AXL: variants seen among roughly 807,000 people sequenced by gnomAD.
AXL encodes AXL receptor tyrosine kinase.
Under a neutral mutation model 104.5 loss-of-function variants are expected in AXL, and 52 were observed. That is an observed-to-expected ratio of 0.50 (90% CI 0.40 to 0.63). The LOEUF is 0.63. AXL is among the 20% of genes least tolerant of loss of function. The pLI, the probability that AXL is intolerant of heterozygous loss-of-function variation, is 0.00. For missense variants in AXL, 1,024 were observed against 1,188.5 expected, an observed-to-expected ratio of 0.86 and a Z score of 2.04; for synonymous variants, 455 against 473.7, an observed-to-expected ratio of 0.96 and a Z score of 0.51.
chr19:41,237,875 C>T lies in AXL; in HGVS notation c.784-69C>T. 1.1e-5 allele frequency: 16 copies of T among 1,450,956 alleles called. No individual in the cohort carries two copies. The South Asian group carries it at 1.8e-4, about 17-fold the overall frequency. The allele number at this position is 1,450,956 out of a possible 1,614,324, so 89.9% of individuals were successfully genotyped here. A position where few individuals can be genotyped will look rare whatever the true frequency, so the allele number is the denominator to read the frequency against. ...GTGTAGTCACACCAGACCACCACCA[C>T]TGGGAGCTGTGTGACCATCTCGTGT... On this transcript the variant is annotated intron_variant, in intron 6 of 19. Transcript: ENST00000301178.
At chr19:41,221,033 T>G in intron 2 of AXL, 113 bp from the exon 3 acceptor site, 1 of 1,186,386 alleles carries the variant, frequency 8.4e-7, no homozygotes, top group Non-Finnish European at 1.2e-6. Context: ...TAGGACATAC[T>G]TCGTGGTTGT....
chr19:41,225,376 C>T (rs572599416), intron 4 of AXL, among the ~76,000 whole-genome samples: 2 of 152,148 alleles, frequency 1.3e-5, no homozygotes, highest in African/African-American at 4.8e-5. Flanking sequence ...CATCTTATGG[C>T]GTAGATGGAG....
At chr19:41,220,520 C>T (rs904383029) in intron 1 of AXL, 116 bp from the exon 2 acceptor site, 9 of 838,526 alleles carry the variant, frequency 1.1e-5, no homozygotes, top group African/African-American at 5.2e-5. Context: ...GCAACTATGT[C>T]GGCCTAAGGG....
chr19:41,249,555 A>G (rs1051918188), intron 14 of AXL, among the ~76,000 whole-genome samples: 2 of 152,114 alleles, frequency 1.3e-5, no homozygotes, highest in South Asian at 4.1e-4. Context: ...CAGGAGTTCG[A>G]GACTGGCCTG....
In AXL at chr19:41,231,313, C is replaced by T; in HGVS notation, c.783+15C>T. On this transcript the variant is annotated intron_variant, in intron 6 of 19. Transcript: ENST00000301178. ...GCACCCTGCAGGTGAGACTCCCAAACTTGGTTCATTTCAGTCTCAGGCCTC... is the reference window on the plus strand; with the variant it reads ...GCACCCTGCAGGTGAGACTCCCAAATTTGGTTCATTTCAGTCTCAGGCCTC... 1 of 1,604,524 alleles carries T rather than the reference C, an allele frequency of 6.2e-7. No individual in the cohort carries two copies. The highest frequency in any genetic ancestry group is 1.1e-5 in the South Asian group (1 of 90,432).
In AXL at chr19:41,239,160, C is replaced by G. The variant is rs750125635; in HGVS notation, c.1135-4C>G. On this transcript the variant is annotated splice_region_variant and splice_polypyrimidine_tract_variant and intron_variant, in intron 8 of 19. Transcript: ENST00000301178. ...TACCCTGATGCCACTTCTGGACCTC[C>G]TAGGTGCTAATGGACATAGGGCTAA... 23 of 1,612,934 alleles carry G rather than the reference C, an allele frequency of 1.4e-5. No individual in the cohort carries two copies. Among genetic ancestry groups the G allele is most frequent in the Middle Eastern group, 1.6e-4 (1 of 6,080 alleles).
intron 17 of AXL, 81 bp downstream of exon 17, chr19:41,253,789 A>G (rs2122281555): frequency 8.4e-7 from 1 of 1,191,764 alleles, no homozygotes; most frequent in Non-Finnish European, 1.2e-6. Context: ...CTTAGGATGG[A>G]AGCAGGGCTA....
rs764490084 is a variant in AXL at position 41,220,622 on chromosome 19, C to T, written c.86-14C>T. On this transcript the variant is annotated splice_polypyrimidine_tract_variant and intron_variant, in intron 1 of 19. Transcript: ENST00000301178. ...GGGGGGTTCCTAAGCTAACTCTTCCCATCTCCCCTCCAGGCACGCAGGCTG... is the reference window on the plus strand; with the variant it reads ...GGGGGGTTCCTAAGCTAACTCTTCCTATCTCCCCTCCAGGCACGCAGGCTG... 2 of 1,554,334 alleles carry T rather than the reference C, an allele frequency of 1.3e-6. No homozygotes were observed. Among genetic ancestry groups the T allele is most frequent in the Non-Finnish European group, 1.7e-6 (2 of 1,147,748 alleles).
chr19:41,219,726 G>A (rs1177421312), intron 1 of AXL, among the ~76,000 whole-genome samples: 1 of 148,418 alleles, frequency 6.7e-6, no homozygotes, highest in East Asian at 2.0e-4. Context: ...GAGACAGACA[G>A]ACAAGGAGAA....
chr19:41,233,275 G>C (rs66841352), intron 6 of AXL, among the ~76,000 whole-genome samples: 57,057 of 151,704 alleles, frequency 0.38, 10,974 homozygotes, highest in African/African-American at 0.4. Flanking sequence ...CAGGCGTGAG[G>C]CACCGCGCTG....
At chr19:41,237,264 A>G (rs2034096221) in intron 6 of AXL, among the ~76,000 whole-genome samples, 1 of 152,130 alleles carries the variant, frequency 6.6e-6, no homozygotes. Context: ...ATTATTTGAG[A>G]CAGAGTCTTG....
rs761613004 is a variant in AXL, at chr19:41,242,927, G to A, written c.1357G>A (p.Val453Ile). ...TPAFSWPWWY[V>I]LLGAVVAAAC... ...TGCCTTCTCGTGGCCCTGGTGGTAT[G>A]TACTGCTAGGAGCAGTCGTGGCCGC... Residue 453 changes from valine to isoleucine, a missense_variant, in exon 11 of 20, where the codon GTA becomes ATA. Coordinates refer to ENST00000301178, the MANE Select transcript of AXL (RefSeq NM_021913.5). 1.2e-6 allele frequency: 2 copies of A among 1,614,086 alleles called. No homozygotes were observed. Among genetic ancestry groups the A allele is most frequent in the African/African-American group, 1.3e-5 (1 of 74,928 alleles).
In AXL at chr19:41,260,256, A is replaced by G. The variant is rs2034516462; in HGVS notation, c.*352A>G. The G allele has an allele frequency of 1.2e-5, 3 of 243,858 alleles. No individual in the cohort carries two copies. In the East Asian group the frequency reaches 1.9e-4, roughly 15 times the overall value. The allele number at this position is 243,858 out of a possible 1,614,324, so 15.1% of individuals were successfully genotyped here. On this transcript the variant is annotated 3_prime_UTR_variant, in exon 20 of 20. Coordinates refer to ENST00000301178, the MANE Select transcript of AXL (RefSeq NM_021913.5). ...TTTGGTTCTAAGGACCTGAAATTCC[A>G]AAGTCTCTAATTCTATTAAAGTGCT... is the stretch of plus-strand genomic sequence containing the variant.
chr19:41,232,849 G>A (rs1487506287), intron 6 of AXL, among the ~76,000 whole-genome samples: 3 of 152,112 alleles, frequency 2.0e-5, no homozygotes, highest in Non-Finnish European at 1.5e-5. Context: ...ACACCTGCTC[G>A]TGTGTTTGTG....
At chr19:41,220,910 A>C in intron 2 of AXL, 52 bp downstream of exon 2, 1 of 1,586,212 alleles carries the variant, frequency 6.3e-7, no homozygotes, top group African/African-American at 1.3e-5. Flanking sequence ...CACAGAGGGC[A>C]GAAAGCCCAC....
At chr19:41,257,301 C>T (rs184805806) in intron 18 of AXL, among the ~76,000 whole-genome samples, 192 bp from the exon 19 acceptor site, 9 of 152,292 alleles carry the variant, frequency 5.9e-5, no homozygotes, top group Admixed American at 2.0e-4. Flanking sequence ...ACCTCAGCCT[C>T]CCAAAGTGCT....
chr19:41,255,366 C>A (rs202082813), intron 17 of AXL, among the ~76,000 whole-genome samples: 2 of 129,810 alleles, frequency 1.5e-5, no homozygotes, highest in Non-Finnish European at 3.5e-5. Context: ...TTTTCTTTCT[C>A]TTTCTCTCTC....
intron 6 of AXL, among the ~76,000 whole-genome samples, chr19:41,232,848 C>T (rs770413835): frequency 1.8e-4 from 27 of 151,908 alleles, no homozygotes; most frequent in Non-Finnish European, 3.7e-4. Context: ...CACACCTGCT[C>T]GTGTGTTTGT....
chr19:41,252,111 TAA>T lies in AXL; in HGVS notation c.1712-224_1712-223del, dbSNP rs529144010. Among the ~76,000 whole-genome samples, 655 of 108,178 alleles carry T rather than the reference TAA, an allele frequency of 6.1e-3. 4 individuals are homozygous for T. Among genetic ancestry groups the T allele is most frequent in the African/African-American group, 0.021 (614 of 29,528 alleles). 71.0% of individuals were successfully genotyped at this position (108,178 alleles called of 152,430 possible). ...CTGGACAACAGAGTGAGACTCCATC[TAA>T]AAAAAAAAAAAAAAAGAAAATATAT... On this transcript the variant is annotated intron_variant, in intron 14 of 19. Coordinates refer to ENST00000301178, the MANE Select transcript of AXL (RefSeq NM_021913.5).
Sources: allele counts gnomAD v4.1 joint callset (sites outside exome capture counted in the v4.1 genomes callset), GRCh38; gene constraint gnomAD v4.1.1; transcripts MANE v1.5; gene names NCBI Gene and HGNC (gene_info 2026-07-23, HGNC 2026-07-21).